Variants in SLC39A11 observed in about 807,000 individuals in gnomAD.
SLC39A11 encodes solute carrier family 39 member 11, also known as zinc transporter ZIP11.
Under a neutral mutation model 36.1 loss-of-function variants are expected in SLC39A11, and 33 were observed. The observed-to-expected ratio is 0.91, with a 90% CI of 0.69 to 1.22. The LOEUF (loss-of-function observed/expected upper bound fraction) is 1.22, where lower values mean the gene tolerates loss of function less well. Ranked by LOEUF, SLC39A11 falls within the 50% of genes most tolerant of loss-of-function variation. SLC39A11 has a pLI of 0.00. For synonymous variants in SLC39A11, 166 were observed against 170.3 expected, an observed-to-expected ratio of 0.97 and a Z score of 0.20; for missense variants, 432 against 430.3, an observed-to-expected ratio of 1.00 and a Z score of -0.03.
chr17:72,670,156 TATATACACAC>T lies in SLC39A11; in HGVS notation c.672-20898_672-20889del, dbSNP rs1366521076. Among the ~76,000 whole-genome samples the T allele has an allele frequency of 3.6e-4, 32 of 87,794 alleles. No homozygotes were observed. In the East Asian group the frequency reaches 8.6e-3, roughly 24 times the overall value. The allele number at this position is 87,794 out of a possible 152,430, so 57.6% of individuals were successfully genotyped here. On this transcript the variant is annotated intron_variant, in intron 7 of 9. Transcript: ENST00000255559. ...GATACGTATACACACACACACATTT[TATATACACAC>T]ACACACACACACACACACACACACA... is the stretch of plus-strand genomic sequence containing the variant.
intron 6 of SLC39A11, among the ~76,000 whole-genome samples, chr17:72,833,517 G>C (rs968456717): frequency 6.6e-6 from 1 of 152,170 alleles, no homozygotes; most frequent in East Asian, 1.9e-4. Flanking sequence ...AGGCATTGGG[G>C]GATGAACAGG....
chr17:72,789,405 A>C (rs1166369214), intron 6 of SLC39A11, among the ~76,000 whole-genome samples: 1 of 152,224 alleles, frequency 6.6e-6, no homozygotes, highest in Non-Finnish European at 1.5e-5. Context: ...AATGGAGGCC[A>C]CCTCAAAATT....
chr17:72,832,699 A>G (rs2078338320), intron 6 of SLC39A11, among the ~76,000 whole-genome samples: 1 of 152,250 alleles, frequency 6.6e-6, no homozygotes, highest in Admixed American at 6.5e-5. Flanking sequence ...GCAGAAAACT[A>G]GAAACATTTT....
intron 4 of SLC39A11, among the ~76,000 whole-genome samples, chr17:72,991,620 A>T (rs771053176): frequency 2.5e-4 from 38 of 152,124 alleles, no homozygotes; most frequent in Non-Finnish European, 3.8e-4. Context: ...TGGCCTCCCA[A>T]AGTGCTGGGA....
chr17:72,852,300 A>G (rs752514192), intron 5 of SLC39A11, among the ~76,000 whole-genome samples: 7 of 151,964 alleles, frequency 4.6e-5, no homozygotes, highest in Non-Finnish European at 7.4e-5. Context: ...AAAAGTAAGA[A>G]AGTACAGGGC....
intron 4 of SLC39A11, among the ~76,000 whole-genome samples, chr17:73,004,232 A>AAAGAAAGAAAAGAAAGAAAG: frequency 0.014 from 1,239 of 88,678 alleles, 106 homozygotes; most frequent in African/African-American, 0.021. Context: ...AGAAAGAAAG[A>AAAGAAAGAAAAGAAAGAAAG]AAAGAAAGAA....
At chr17:72,812,395 A>G (rs1042807411) in intron 6 of SLC39A11, among the ~76,000 whole-genome samples, 1 of 152,276 alleles carries the variant, frequency 6.6e-6, no homozygotes, top group African/African-American at 2.4e-5. Flanking sequence ...TGAATGATTT[A>G]GAATCTAGAG....
At chr17:72,729,816 T>A (rs2074142050) in intron 7 of SLC39A11, among the ~76,000 whole-genome samples, 1 of 152,004 alleles carries the variant, frequency 6.6e-6, no homozygotes, top group Admixed American at 6.6e-5. Context: ...GCAAAAAGCT[T>A]GCCTGTCTTC....
intron 4 of SLC39A11, among the ~76,000 whole-genome samples, chr17:73,010,271 C>G (rs1436643952): frequency 6.6e-6 from 1 of 152,142 alleles, no homozygotes; most frequent in Non-Finnish European, 1.5e-5. Flanking sequence ...CAACCAGACC[C>G]TTTCTCCCTT....
intron 3 of SLC39A11, among the ~76,000 whole-genome samples, chr17:73,059,464 C>G (rs2059770670): frequency 6.6e-6 from 1 of 151,888 alleles, no homozygotes; most frequent in East Asian, 1.9e-4. Context: ...GTCAGGAGTT[C>G]GAGACCAGCC....
chr17:72,896,192 CTTTTTTTTTT>C (rs771180987), intron 5 of SLC39A11, among the ~76,000 whole-genome samples: 16 of 74,556 alleles, frequency 2.1e-4, no homozygotes, highest in African/African-American at 9.2e-4. Context: ...CACATTAATC[CTTTTTTTTTT>C]TTTTTTTTTT....
chr17:72,829,593 C>T (rs1278552352), intron 6 of SLC39A11, among the ~76,000 whole-genome samples: 1 of 152,126 alleles, frequency 6.6e-6, no homozygotes, highest in East Asian at 1.9e-4. Flanking sequence ...AACAAACATG[C>T]CGAATTAGGG....
intron 6 of SLC39A11, chr17:72,839,583 G>C (rs2078715681): frequency 6.6e-6 from 1 of 152,218 alleles, no homozygotes; most frequent in Non-Finnish European, 1.5e-5. Flanking sequence ...CCAACCCCTT[G>C]ACTTTATCAC....
At chr17:72,782,998 T>A (rs1598717709) in intron 6 of SLC39A11, among the ~76,000 whole-genome samples, 1 of 94,510 alleles carries the variant, frequency 1.1e-5, no homozygotes, top group Non-Finnish European at 2.0e-5. Context: ...CAAGACTCTG[T>A]CTCAACAAAA....
chr17:72,924,623 C>T (rs915752223), intron 5 of SLC39A11, among the ~76,000 whole-genome samples: 1 of 152,036 alleles, frequency 6.6e-6, no homozygotes, highest in Non-Finnish European at 1.5e-5. Flanking sequence ...TACCAAGTCC[C>T]CAATGAAGAT....
intron 7 of SLC39A11, among the ~76,000 whole-genome samples, chr17:72,655,517 C>A (rs964788257): frequency 3.9e-5 from 6 of 152,186 alleles, no homozygotes; most frequent in Non-Finnish European, 8.8e-5. Context: ...TAAGAGTGTG[C>A]GAGGGCGTTG....
chr17:72,736,717 C>A lies in SLC39A11; in HGVS notation c.604G>T (p.Gly202Cys). The A allele has an allele frequency of 6.2e-7, 1 of 1,613,700 alleles. No individual in the cohort carries two copies. Among genetic ancestry groups the A allele is most frequent in the South Asian group, 1.1e-5 (1 of 91,060 alleles). Residue 202 changes from glycine to cysteine, a missense_variant and splice_region_variant, in exon 7 of 10, where the codon GGT (glycine) becomes TGT (cysteine). Gly to Cys is a radical substitution (Grantham distance 159, BLOSUM62 -3). Transcript: ENST00000255559. Reference sequence around the variant, plus strand: ...CCAAATCCAACTCCAACAGCGAGACCCTCTGAAATAGATGTAAGAAAAGCA... The same window carrying A: ...CCAAATCCAACTCCAACAGCGAGACACTCTGAAATAGATGTAAGAAAAGCA... ...LAITIHNVPE[G>C]LAVGVGFGAI...
chr17:72,993,225 A>G (rs1377494166), intron 4 of SLC39A11, among the ~76,000 whole-genome samples: 2 of 152,198 alleles, frequency 1.3e-5, no homozygotes, highest in South Asian at 2.1e-4. Flanking sequence ...GTAGGAAAAA[A>G]TCTTAAATTT....
intron 6 of SLC39A11, among the ~76,000 whole-genome samples, chr17:72,825,179 G>T (rs2077965718): frequency 6.6e-6 from 1 of 152,116 alleles, no homozygotes; most frequent in Non-Finnish European, 1.5e-5. Flanking sequence ...GGGCCCTGTT[G>T]CCCTGCACAA....
Sources: allele counts gnomAD v4.1 joint callset (sites outside exome capture counted in the v4.1 genomes callset), GRCh38; gene constraint gnomAD v4.1.1; transcripts MANE v1.5; gene names NCBI Gene and HGNC (gene_info 2026-07-23, HGNC 2026-07-21).